The following MPRIP variants were observed in gnomAD, a reference collection of about 807,000 sequenced individuals.
The protein encoded by MPRIP is myosin phosphatase Rho-interacting protein.
A neutral mutation model predicts 234.9 loss-of-function variants in MPRIP; 59 were observed. That is an observed-to-expected ratio of 0.25 (90% CI 0.20 to 0.31). The LOEUF is 0.31. Among genes scored for constraint, MPRIP ranks in the 10% least tolerant of loss-of-function variants. The pLI is 1.00. For synonymous variants in MPRIP, 1,144 were observed against 1,263.9 expected (o/e 0.91, Z 2.01); for missense variants, 2,436 against 3,071.0 (o/e 0.79, Z 4.89).
At chr17:17,073,143 T>C (rs991488265) in intron 1 of MPRIP, among the ~76,000 whole-genome samples, 1 of 152,098 alleles carries the variant, frequency 6.6e-6, no homozygotes, top group Non-Finnish European at 1.5e-5. Context: ...TCTATCACTC[T>C]GGAATTGCTT....
chr17:17,159,803 T>C (rs1403532589), intron 14 of MPRIP, among the ~76,000 whole-genome samples: 2 of 152,222 alleles, frequency 1.3e-5, no homozygotes, highest in Non-Finnish European at 2.9e-5. Context: ...GTTTCAAATG[T>C]GTTCTCTTAC....
rs1277187149 is a variant in MPRIP at position 17,167,814 on chromosome 17, G to A, written c.6223G>A (p.Ala2075Thr). 5 of 1,304,166 alleles carry A rather than the reference G, an allele frequency of 3.8e-6. No individual in the cohort carries two copies. The Middle Eastern group carries it at 6.4e-4, about 166-fold the overall frequency. 80.8% of individuals were successfully genotyped at this position (1,304,166 alleles called of 1,614,324 possible). Residue 2075 changes from alanine to threonine, a missense_variant, in exon 16 of 24, where the codon GCC becomes ACC. By Grantham distance (58) the Ala-to-Thr change is moderately conservative. This residue lies in a region of MPRIP where 1,998 missense variants were observed against 2,520.3 expected (regional missense o/e 0.79). Transcript: ENST00000651222. The surrounding 1 kb of genome is among the most constrained non-coding windows in gnomAD (Gnocchi z 5.9). ...GAGGGAGCGCATCCAGGAGCTGGAG[G>A]CCCAGATGGATGTCATGCGGGAGGA... ...GLRERIQELE[A>T]QMDVMREELG...
chr17:17,168,881 A>G, intron 16 of MPRIP: 1 of 456,700 alleles, frequency 2.2e-6, no homozygotes, highest in Non-Finnish European at 4.4e-6. Flanking sequence ...CCTGACTCCC[A>G]GGTGGCTGCC....
chr17:17,052,158 A>G (rs1333990933), intron 1 of MPRIP, among the ~76,000 whole-genome samples: 4 of 152,174 alleles, frequency 2.6e-5, no homozygotes, highest in Non-Finnish European at 5.9e-5. Context: ...TGGGGCCGTG[A>G]TACAGATTTC....
intron 3 of MPRIP, among the ~76,000 whole-genome samples, chr17:17,124,172 A>G (rs1226095868): frequency 6.6e-6 from 1 of 152,194 alleles, no homozygotes; most frequent in East Asian, 1.9e-4. Context: ...AGACACAACC[A>G]CGTTCAGCAG....
At chr17:17,171,910 T>C (rs1451198285) in intron 17 of MPRIP, 45 bp downstream of exon 17, 3 of 1,578,444 alleles carry the variant, frequency 1.9e-6, no homozygotes, top group Admixed American at 3.9e-5. Context: ...GTGGCCAGCT[T>C]TTTTTGAGCT....
chr17:17,090,792 G>A (rs79938544), intron 3 of MPRIP, among the ~76,000 whole-genome samples: 6,826 of 152,204 alleles, frequency 0.045, 471 homozygotes, highest in African/African-American at 0.14. Context: ...GGGGTTTTGC[G>A]TTGAGCCACA....
chr17:17,145,993 A>G, intron 9 of MPRIP, 43 bp from the exon 10 acceptor site: 1 of 1,589,560 alleles, frequency 6.3e-7, no homozygotes, highest in Non-Finnish European at 8.6e-7. Context: ...TCATGACACT[A>G]GAAGAGTTTC....
In MPRIP at chr17:17,185,200, C is replaced by T. The variant is rs1766032636; in HGVS notation, c.*306C>T. ...GGCTGTGACCCGCCACACTCACTGT[C>T]AGTATTAAGGCCCAGCAGCCTGTTG... On this transcript the variant is annotated 3_prime_UTR_variant, in exon 24 of 24. Transcript: ENST00000651222. 1 of 340,708 alleles carries T rather than the reference C, an allele frequency of 2.9e-6. No individual in the cohort carries two copies. The highest frequency in any genetic ancestry group is 2.1e-5 in the African/African-American group (1 of 46,726). 21.1% of individuals were successfully genotyped at this position (340,708 alleles called of 1,614,324 possible). A position where few individuals can be genotyped will look rare whatever the true frequency, so the allele number is the denominator to read the frequency against.
intron 3 of MPRIP, among the ~76,000 whole-genome samples, chr17:17,111,796 TC>T (rs2090177424): frequency 6.6e-6 from 1 of 152,042 alleles, no homozygotes; most frequent in Non-Finnish European, 1.5e-5. Flanking sequence ...CTGTGCCCAG[TC>T]TCCCTCAAGC....
At chr17:17,171,959 C>A in intron 17 of MPRIP, 94 bp downstream of exon 17, 1 of 1,385,156 alleles carries the variant, frequency 7.2e-7, no homozygotes, top group Non-Finnish European at 9.7e-7. Context: ...TTTAAATTGC[C>A]TTTTGGCTGA....
At chr17:17,073,556 A>G (rs1287135547) in intron 1 of MPRIP, among the ~76,000 whole-genome samples, 1 of 152,172 alleles carries the variant, frequency 6.6e-6, no homozygotes, top group African/African-American at 2.4e-5. Context: ...GAGATAGAGG[A>G]ATGGCTTGGC....
chr17:17,122,817 G>A (rs977333518), intron 3 of MPRIP, among the ~76,000 whole-genome samples: 3 of 152,198 alleles, frequency 2.0e-5, no homozygotes, highest in Admixed American at 6.5e-5. Flanking sequence ...AAATAGTCTG[G>A]CAGCTCCTCA....
chr17:17,164,646 C>T lies in MPRIP; in HGVS notation c.3055C>T (p.Gln1019Ter). ...QAQRLMEEKLQRNYELLLESC... is the reference protein window; with the variant it reads ...QAQRLMEEKL ...GCAGCGGCTGATGGAGGAGAAGCTGCAGAGAAACTATGAGCTGCTGCTGGA... is the reference window on the plus strand; with the variant it reads ...GCAGCGGCTGATGGAGGAGAAGCTGTAGAGAAACTATGAGCTGCTGCTGGA... Residue 1019 changes from glutamine to a stop codon, truncating the protein, a stop_gained, in exon 16 of 24, where the codon CAG (glutamine) becomes TAG (stop). Transcript: ENST00000651222. LOFTEE classifies it high-confidence loss of function. The T allele has an allele frequency of 8.1e-7, 1 of 1,231,828 alleles. No homozygotes were observed. Among genetic ancestry groups the T allele is most frequent in the Non-Finnish European group, 1.0e-6 (1 of 957,320 alleles). 76.3% of individuals were successfully genotyped at this position (1,231,828 alleles called of 1,614,324 possible). A position where few individuals can be genotyped will look rare whatever the true frequency, so the allele number is the denominator to read the frequency against.
chr17:17,093,211 G>GT (rs755660444), intron 3 of MPRIP, among the ~76,000 whole-genome samples: 11 of 152,202 alleles, frequency 7.2e-5, no homozygotes, highest in Non-Finnish European at 1.3e-4. Context: ...AAAGTCAAGT[G>GT]TTTGAATTGT....
rs1043172922 is a variant in MPRIP at position 17,187,224 on chromosome 17, T to C, written c.*2330T>C. The C allele has an allele frequency of 2.0e-5, 3 of 152,238 alleles. No individual in the cohort carries two copies. In the South Asian group the frequency reaches 6.2e-4, roughly 32 times the overall value. 9.4% of individuals were successfully genotyped at this position (152,238 alleles called of 1,614,324 possible). A position where few individuals can be genotyped will look rare whatever the true frequency, so the allele number is the denominator to read the frequency against. On this transcript the variant is annotated 3_prime_UTR_variant, in exon 24 of 24. Transcript: ENST00000651222. ...TTGATTCCCTTTTTTCTGTCACATATCCCTTGAGGCTGGACTTCAGGAATC... is the reference window on the plus strand; with the variant it reads ...TTGATTCCCTTTTTTCTGTCACATACCCCTTGAGGCTGGACTTCAGGAATC...
At chr17:17,084,408 C>T (rs907091609) in intron 3 of MPRIP, among the ~76,000 whole-genome samples, 2 of 152,214 alleles carry the variant, frequency 1.3e-5, no homozygotes, top group African/African-American at 4.8e-5. Context: ...GCCATGTGCC[C>T]GGCCGGGGCT....
intron 4 of MPRIP, among the ~76,000 whole-genome samples, 164 bp from the exon 5 acceptor site, chr17:17,131,453 G>C (rs754213176): frequency 6.6e-6 from 1 of 152,208 alleles, no homozygotes; most frequent in Non-Finnish European, 1.5e-5. Flanking sequence ...GGTGTGGCAG[G>C]GTCATTGTCC....
intron 3 of MPRIP, chr17:17,096,887 A>C: frequency 6.7e-6 from 3 of 448,044 alleles, no homozygotes; most frequent in East Asian, 7.1e-5. Flanking sequence ...ATAAATATGA[A>C]AAAGCATCCT....
Sources: allele counts gnomAD v4.1 joint callset (sites outside exome capture counted in the v4.1 genomes callset), GRCh38; gene constraint gnomAD v4.1.1; regional missense constraint gnomAD v4.1.1; non-coding constraint Gnocchi (gnomAD v3.1); transcripts MANE v1.5; gene names NCBI Gene and HGNC (gene_info 2026-07-23, HGNC 2026-07-21).